The following ARHGEF4 variants were observed in gnomAD, a reference collection of about 807,000 sequenced individuals.
ARHGEF4 encodes the protein APC-stimulated guanine nucleotide exchange factor 1.
A neutral mutation model predicts 162.0 loss-of-function variants in ARHGEF4; 119 were observed. That is an observed-to-expected ratio of 0.73 (90% CI 0.63 to 0.86). The LOEUF (loss-of-function observed/expected upper bound fraction) is 0.86, where lower values mean the gene tolerates loss of function less well. Ranked by LOEUF, ARHGEF4 falls within the 40% of genes least tolerant of loss-of-function variation. ARHGEF4 has a pLI of 0.00. For synonymous variants in ARHGEF4, 1,014 were observed against 979.9 expected (o/e 1.03, Z -0.65); for missense variants, 2,488 against 2,456.0 (o/e 1.01, Z -0.28).
chr2:130,981,285 C>A (rs1314611220), intron 4 of ARHGEF4, among the ~76,000 whole-genome samples: 1 of 152,084 alleles, frequency 6.6e-6, no homozygotes, highest in African/African-American at 2.4e-5. Context: ...TTCACAGAAC[C>A]AAATAAATGC....
intron 1 of ARHGEF4, among the ~76,000 whole-genome samples, chr2:130,839,536 G>A (rs1377123649): frequency 6.6e-6 from 1 of 152,194 alleles, no homozygotes; most frequent in Non-Finnish European, 1.5e-5. Context: ...GTTGGGCACC[G>A]TGGGATCCAT....
At chr2:130,869,321 A>G (rs1273271255) in intron 1 of ARHGEF4, among the ~76,000 whole-genome samples, 2 of 152,204 alleles carry the variant, frequency 1.3e-5, no homozygotes, top group African/African-American at 4.8e-5. Context: ...AAGAACACTC[A>G]GGAGCTGTAA....
At chr2:131,017,077 T>A (rs1023942302) in intron 4 of ARHGEF4, among the ~76,000 whole-genome samples, 3 of 152,226 alleles carry the variant, frequency 2.0e-5, no homozygotes, top group African/African-American at 7.2e-5. Flanking sequence ...TATAAAAAAT[T>A]TAAAATCCAA....
At chr2:131,032,037 C>T (rs1025547889) in intron 5 of ARHGEF4, among the ~76,000 whole-genome samples, 5 of 152,272 alleles carry the variant, frequency 3.3e-5, no homozygotes, top group East Asian at 1.9e-4. Context: ...CCATTGCCCA[C>T]TGGCACCTGT....
intron 1 of ARHGEF4, among the ~76,000 whole-genome samples, chr2:130,904,670 A>G (rs1680703553): frequency 6.6e-6 from 1 of 152,192 alleles, no homozygotes; most frequent in South Asian, 2.1e-4. Context: ...AGAATGACCT[A>G]TGATTTACAT....
intron 4 of ARHGEF4, among the ~76,000 whole-genome samples, chr2:131,013,602 A>G (rs924873473): frequency 3.9e-5 from 6 of 152,062 alleles, no homozygotes; most frequent in Admixed American, 3.9e-4. Context: ...TGATTGATTG[A>G]TTGATTGATT....
chr2:131,036,142 G>A (rs888245425), intron 5 of ARHGEF4, among the ~76,000 whole-genome samples: 1 of 152,218 alleles, frequency 6.6e-6, no homozygotes, highest in South Asian at 2.1e-4. Context: ...AGGTGCAGCT[G>A]TGCCTACGAG....
intron 4 of ARHGEF4, among the ~76,000 whole-genome samples, chr2:130,982,049 A>C (rs1686155268): frequency 6.6e-6 from 1 of 152,180 alleles, no homozygotes; most frequent in African/African-American, 2.4e-5. Context: ...CCGAGGCTGG[A>C]GTGCAGTGGC....
At chr2:130,880,608 C>G (rs1679127563) in intron 1 of ARHGEF4, among the ~76,000 whole-genome samples, 1 of 152,222 alleles carries the variant, frequency 6.6e-6, no homozygotes, top group African/African-American at 2.4e-5. Context: ...GATCATAGCT[C>G]AGTGCAGCCT....
chr2:131,004,732 A>G (rs1381966020), intron 4 of ARHGEF4, among the ~76,000 whole-genome samples: 1 of 151,920 alleles, frequency 6.6e-6, no homozygotes, highest in Admixed American at 6.6e-5. Context: ...TCTGTGAATG[A>G]TGGAGAGGAT....
intron 3 of ARHGEF4, among the ~76,000 whole-genome samples, chr2:130,936,545 A>C (rs866686412): frequency 3.1e-4 from 47 of 152,156 alleles, no homozygotes; most frequent in African/African-American, 1.1e-3. Context: ...GTTTTCCCAG[A>C]TATATAACTT....
chr2:130,879,724 G>A (rs112617530), intron 1 of ARHGEF4, among the ~76,000 whole-genome samples: 1 of 152,166 alleles, frequency 6.6e-6, no homozygotes, highest in African/African-American at 2.4e-5. Context: ...TTGCGTAATG[G>A]CCTCCAAGTT....
At chr2:131,032,452 C>G (rs539561327) in intron 5 of ARHGEF4, among the ~76,000 whole-genome samples, 1 of 152,082 alleles carries the variant, frequency 6.6e-6, no homozygotes, top group East Asian at 2.0e-4. Context: ...CTCCTCAGCC[C>G]CAGGGAGGAG....
chr2:131,024,187 C>T (rs999429091), intron 4 of ARHGEF4, among the ~76,000 whole-genome samples: 4 of 151,780 alleles, frequency 2.6e-5, no homozygotes, highest in African/African-American at 9.7e-5. Context: ...ATGGAGGGTG[C>T]ACAGTGCCGT....
chr2:130,884,899 G>A (rs72855933), intron 1 of ARHGEF4, among the ~76,000 whole-genome samples: 10,097 of 152,086 alleles, frequency 0.066, 697 homozygotes, highest in African/African-American at 0.16. Flanking sequence ...GAAGAGGCTC[G>A]GCCTCTCTAG....
intron 5 of ARHGEF4, 120 bp from the exon 6 acceptor site, chr2:131,038,733 C>A: frequency 1.8e-6 from 2 of 1,133,196 alleles, no homozygotes; most frequent in Non-Finnish European, 2.4e-6. Flanking sequence ...GCCTTGTCAG[C>A]TCCTCTGTAA....
At chr2:130,980,461 C>T (rs1200411792) in intron 4 of ARHGEF4, among the ~76,000 whole-genome samples, 1 of 151,398 alleles carries the variant, frequency 6.6e-6, no homozygotes, top group Admixed American at 6.6e-5. Flanking sequence ...TTTTCTTTAT[C>T]ATTAAAAAAT....
chr2:131,040,256 C>T lies in ARHGEF4; in HGVS notation c.4483-5C>T, dbSNP rs780967721. 5.0e-6 allele frequency: 8 copies of T among 1,611,850 alleles called. No homozygotes were observed. Among genetic ancestry groups the T allele is most frequent in the African/African-American group, 1.3e-5 (1 of 74,918 alleles). ...CGGGGGAGGCCTAACCACGTCCGCC[C>T]GCAGGGCTACGTCCGGCAGTGCCGC... On this transcript the variant is annotated splice_region_variant and splice_polypyrimidine_tract_variant and intron_variant, in intron 7 of 13. Transcript: ENST00000409359.
At position 130,851,095 on chromosome 2, in the gene ARHGEF4, G is replaced by A. The variant is rs180980772; in HGVS notation, c.39+14103G>A. Among the ~76,000 whole-genome samples the A allele has an allele frequency of 2.8e-3, 420 of 152,388 alleles. 3 individuals carry two copies. Among genetic ancestry groups the A allele is most frequent in the Non-Finnish European group, 3.9e-3 (263 of 68,040 alleles). ...GGGAGCGCAGGCAGGACATGAGTCCGCCAGCTTTCTGTGCTGTGAACACCG... is the reference window on the plus strand; with the variant it reads ...GGGAGCGCAGGCAGGACATGAGTCCACCAGCTTTCTGTGCTGTGAACACCG... On this transcript the variant is annotated intron_variant, in intron 1 of 13. Coordinates refer to ENST00000409359, the MANE Select transcript of ARHGEF4 (RefSeq NM_001367493.1).
Sources: allele counts gnomAD v4.1 joint callset (sites outside exome capture counted in the v4.1 genomes callset), GRCh38; gene constraint gnomAD v4.1.1; transcripts MANE v1.5; gene names NCBI Gene and HGNC (gene_info 2026-07-23, HGNC 2026-07-21).